Variants in ENAH observed in about 807,000 individuals in gnomAD.
ENAH encodes the protein ENAH actin regulator, also known as protein enabled homolog.
Under a neutral mutation model 78.7 loss-of-function variants are expected in ENAH, and 23 were observed. The observed-to-expected ratio is 0.29, with a 90% CI of 0.21 to 0.41. ENAH has a LOEUF of 0.41. Among genes scored for constraint, ENAH ranks in the 10% least tolerant of loss-of-function variants. The pLI, the probability that ENAH is intolerant of heterozygous loss-of-function variation, is 1.00. For missense variants in ENAH, 544 were observed against 691.0 expected, an observed-to-expected ratio of 0.79 and a Z score of 2.39; for synonymous variants, 226 against 241.0, an observed-to-expected ratio of 0.94 and a Z score of 0.58.
intron 1 of ENAH, among the ~76,000 whole-genome samples, chr1:225,576,321 G>A (rs1211437061): frequency 1.3e-5 from 2 of 150,650 alleles, no homozygotes; most frequent in Admixed American, 1.3e-4. Flanking sequence ...TCAGCTGTCT[G>A]TGACCAAATG....
At chr1:225,647,209 G>C (rs1662140482) in intron 1 of ENAH, among the ~76,000 whole-genome samples, 1 of 152,158 alleles carries the variant, frequency 6.6e-6, no homozygotes, top group South Asian at 2.1e-4. Context: ...CTGGGCAAGA[G>C]TGAGACTCCA....
chr1:225,634,244 C>A (rs1050989750), intron 1 of ENAH, among the ~76,000 whole-genome samples: 8 of 152,152 alleles, frequency 5.3e-5, no homozygotes, highest in Non-Finnish European at 1.2e-4. Flanking sequence ...AAGTAGGAAA[C>A]GGCATGAATG....
intron 4 of ENAH, among the ~76,000 whole-genome samples, chr1:225,520,343 A>G (rs748509997): frequency 6.6e-6 from 1 of 152,130 alleles, no homozygotes; most frequent in Non-Finnish European, 1.5e-5. Flanking sequence ...AGAAAGAAGA[A>G]ATAAACTTTA....
intron 1 of ENAH, among the ~76,000 whole-genome samples, chr1:225,620,658 C>G (rs150654646): frequency 6.6e-6 from 1 of 152,256 alleles, no homozygotes; most frequent in African/African-American, 2.4e-5. Flanking sequence ...TCTATCAGAT[C>G]TATCTTATTT....
intron 4 of ENAH, among the ~76,000 whole-genome samples, chr1:225,526,567 A>AAC (rs754173338): frequency 6.6e-6 from 1 of 151,352 alleles, no homozygotes; most frequent in Non-Finnish European, 1.5e-5. Context: ...TTTAACTCCT[A>AAC]ACCTCGTGAT....
intron 10 of ENAH, 34 bp downstream of exon 10, chr1:225,511,776 GT>G: frequency 6.7e-7 from 1 of 1,497,036 alleles, no homozygotes; most frequent in Non-Finnish European, 9.2e-7. Flanking sequence ...TTTAGAGAAA[GT>G]TTATAAAGGT....
chr1:225,624,316 CAAAG>C (rs1425015140), intron 1 of ENAH, among the ~76,000 whole-genome samples: 2 of 151,838 alleles, frequency 1.3e-5, no homozygotes, highest in Non-Finnish European at 2.9e-5. Flanking sequence ...AAGAAAAGGA[CAAAG>C]AAATATTTTA....
intron 1 of ENAH, among the ~76,000 whole-genome samples, chr1:225,609,792 T>C (rs1203703563): frequency 2.0e-5 from 3 of 149,166 alleles, no homozygotes; most frequent in Non-Finnish European, 4.4e-5. Context: ...GCCTCCTGAG[T>C]ATCTGGGAGC....
chr1:225,501,569 G>T (rs992290860), intron 11 of ENAH, among the ~76,000 whole-genome samples: 4 of 152,190 alleles, frequency 2.6e-5, no homozygotes, highest in Non-Finnish European at 5.9e-5. Context: ...ATTGCAGGAA[G>T]AAAACATTTT....
chr1:225,517,292 C>A lies in ENAH; in HGVS notation c.817G>T (p.Val273Phe), dbSNP rs2096428274. Reference protein sequence around the residue: ...RISSAAAPASVETPLNSVLGD... With the variant: ...RISSAAAPASFETPLNSVLGD... ...AGCACAGAGTTTAGAGGAGTCTCAA[C>A]AGAGGCAGGGGCAGCTGCAGAGGGA... is the stretch of plus-strand genomic sequence containing the variant. Residue 273 changes from valine (V) to phenylalanine (F), a missense_variant, in exon 6 of 14, where the codon GTT (valine) becomes TTT (phenylalanine). This residue lies in a region of ENAH where 366 missense variants were observed against 396.1 expected (regional missense o/e 0.92). Coordinates refer to ENST00000366843, the MANE Select transcript of ENAH (RefSeq NM_018212.6). 5 of 1,551,780 alleles carry A rather than the reference C, an allele frequency of 3.2e-6. No homozygotes were observed. Among genetic ancestry groups the A allele is most frequent in the Non-Finnish European group, 4.4e-6 (5 of 1,147,080 alleles).
intron 5 of ENAH, among the ~76,000 whole-genome samples, chr1:225,518,518 ACT>A (rs2096440189): frequency 7.9e-6 from 1 of 125,862 alleles, no homozygotes; most frequent in African/African-American, 2.8e-5. Context: ...ACATAAATTA[ACT>A]TAATAAACCA....
chr1:225,533,113 C>T (rs990766187), intron 3 of ENAH, among the ~76,000 whole-genome samples: 1 of 152,106 alleles, frequency 6.6e-6, no homozygotes, highest in African/African-American at 2.4e-5. Flanking sequence ...GTAACTAGCA[C>T]ATTGAAATTT....
chr1:225,528,254 G>T (rs968597260), intron 4 of ENAH, among the ~76,000 whole-genome samples: 1 of 152,134 alleles, frequency 6.6e-6, no homozygotes, highest in Non-Finnish European at 1.5e-5. Context: ...TTAAGTTACA[G>T]GAATTCAGAA....
At chr1:225,513,599 T>C (rs1437177728) in intron 7 of ENAH, among the ~76,000 whole-genome samples, 1 of 152,214 alleles carries the variant, frequency 6.6e-6, no homozygotes, top group African/African-American at 2.4e-5. Flanking sequence ...TATTACTGGT[T>C]ATGCAGGTAA....
At chr1:225,599,288 T>A (rs972240595) in intron 1 of ENAH, among the ~76,000 whole-genome samples, 141 of 151,596 alleles carry the variant, frequency 9.3e-4, no homozygotes, top group African/African-American at 3.3e-3. Context: ...AATGGTAGAA[T>A]CCTGAATGGA....
At chr1:225,571,362 G>C (rs2096761364) in intron 1 of ENAH, among the ~76,000 whole-genome samples, 1 of 151,260 alleles carries the variant, frequency 6.6e-6, no homozygotes, top group Non-Finnish European at 1.5e-5. Flanking sequence ...GACAGAGTGA[G>C]ACTCTGTCTC....
intron 1 of ENAH, among the ~76,000 whole-genome samples, chr1:225,644,534 TA>T (rs1661615885): frequency 6.6e-6 from 1 of 152,184 alleles, no homozygotes; most frequent in African/African-American, 2.4e-5. Flanking sequence ...TAAGACTGCA[TA>T]AAAAGATCCC....
At chr1:225,616,112 A>C (rs1232416960) in intron 1 of ENAH, among the ~76,000 whole-genome samples, 1 of 152,166 alleles carries the variant, frequency 6.6e-6, no homozygotes, top group Non-Finnish European at 1.5e-5. Context: ...TGCTTTGTTA[A>C]ACAGATGCTT....
At chr1:225,591,569 A>G (rs1233812443) in intron 1 of ENAH, among the ~76,000 whole-genome samples, 1 of 151,702 alleles carries the variant, frequency 6.6e-6, no homozygotes, top group Non-Finnish European at 1.5e-5. Flanking sequence ...GATCAAGACC[A>G]TCCTGGCCAA....
Sources: gnomAD v4.1 joint callset for allele counts (sites outside exome capture counted in the v4.1 genomes callset) on GRCh38, gnomAD v4.1.1 for gene constraint, gnomAD v4.1.1 regional missense constraint, MANE v1.5 for transcripts, NCBI Gene and HGNC (gene_info 2026-07-23, HGNC 2026-07-21) for gene names.